The following MICAL3 variants were observed in gnomAD, a reference collection of about 807,000 sequenced individuals.
The protein encoded by MICAL3 is microtubule associated monooxygenase, calponin and LIM domain containing 3, also known as [F-actin]-monooxygenase MICAL3.
MICAL3 carries 62 observed loss-of-function variants against 207.4 expected under a neutral mutation model. That is an observed-to-expected ratio of 0.30 (90% CI 0.24 to 0.37). The LOEUF (loss-of-function observed/expected upper bound fraction) is 0.37, where lower values mean the gene tolerates loss of function less well. Among genes scored for constraint, MICAL3 ranks in the 10% least tolerant of loss-of-function variants. The pLI, the probability that MICAL3 is intolerant of heterozygous loss-of-function variation, is 1.00. For missense variants in MICAL3, 2,368 were observed against 2,635.6 expected (o/e 0.90, Z 2.22); for synonymous variants, 1,077 against 1,069.3 (o/e 1.01, Z -0.14).
In MICAL3 at chr22:17,904,737, G is replaced by T; in HGVS notation, c.367C>A (p.Arg123Ser). The T allele has an allele frequency of 6.2e-7, 1 of 1,613,710 alleles. No individual in the cohort carries two copies. Among genetic ancestry groups the T allele is most frequent in the Non-Finnish European group, 8.5e-7 (1 of 1,179,626 alleles). Residue 123 changes from arginine (R) to serine (S), a missense_variant, in exon 3 of 32, where the codon CGC becomes AGC. Physicochemically the swap from Arg to Ser is moderately radical, Grantham distance 110 (BLOSUM62 -1). Around this residue, in one of 4 missense-constraint regions of MICAL3, gnomAD observed 400 missense variants for 547.0 expected, o/e 0.73. Transcript: ENST00000441493. ...GGCCAGAGATGCAAGACGTTGTTGC[G>T]GGAGAAGGCATCTCGTTTCTCAATA... is the stretch of plus-strand genomic sequence containing the variant. ...VVIEKRDAFS[R>S]NNVLHLWPFT...
intron 13 of MICAL3, 82 bp downstream of exon 13, chr22:17,888,952 C>T (rs575890515): frequency 2.9e-5 from 28 of 950,244 alleles, no homozygotes; most frequent in South Asian, 2.6e-4. Flanking sequence ...GGCACTGCTG[C>T]GGGACAGTCG....
intron 29 of MICAL3, among the ~76,000 whole-genome samples, chr22:17,794,175 C>A (rs1169761584): frequency 2.0e-5 from 3 of 152,238 alleles, no homozygotes; most frequent in African/African-American, 7.2e-5. Context: ...CAGGGCCCTC[C>A]TGCCTCTACT....
intron 1 of MICAL3, among the ~76,000 whole-genome samples, chr22:18,000,320 A>G (rs1297904975): frequency 6.6e-6 from 1 of 152,198 alleles, no homozygotes; most frequent in Non-Finnish European, 1.5e-5. Flanking sequence ...TTTCACATAA[A>G]TCACAATTAA....
In MICAL3 at chr22:17,842,007, C is replaced by T; in HGVS notation, c.2616G>A (p.Val872=). The T allele has an allele frequency of 6.2e-7, 1 of 1,601,698 alleles. No individual in the cohort carries two copies. Among genetic ancestry groups the T allele is most frequent in the South Asian group, 1.1e-5 (1 of 90,828 alleles). Residue 872 remains valine (V), a synonymous_variant, in exon 20 of 32, where the codon GTG becomes GTA. Coordinates refer to ENST00000441493, the MANE Select transcript of MICAL3 (RefSeq NM_015241.3). Reference sequence around the variant, plus strand: ...CGATGCTGGGCTCCTCCAGGCCGTTCACGCCTGAACCTGCGGGACAAGCAC... The same window carrying T: ...CGATGCTGGGCTCCTCCAGGCCGTTTACGCCTGAACCTGCGGGACAAGCAC... ...SSTERTPGSG[V]NGLEEPSIAK...
chr22:17,810,669 G>A (rs1479815699), intron 28 of MICAL3, 34 bp downstream of exon 28: 2 of 1,531,222 alleles, frequency 1.3e-6, no homozygotes, highest in Non-Finnish European at 9.0e-7. Flanking sequence ...ACCCTCCCAT[G>A]CATGTGCCCT....
At chr22:17,862,450 C>T (rs1171607112) in intron 19 of MICAL3, 8 of 498,930 alleles carry the variant, frequency 1.6e-5, no homozygotes, top group Admixed American at 1.3e-4. Context: ...TTAGTAGAGA[C>T]GGGGTTTCAC....
At chr22:17,808,973 C>T (rs2084326132) in intron 28 of MICAL3, 36 bp from the exon 29 acceptor site, 1 of 1,517,566 alleles carries the variant, frequency 6.6e-7, no homozygotes. Flanking sequence ...ACCCGGCTCT[C>T]CAGCCCTGCT....
chr22:17,867,092 TTCCCTG>T (rs1317777433), intron 17 of MICAL3, among the ~76,000 whole-genome samples: 2 of 152,242 alleles, frequency 1.3e-5, no homozygotes, highest in Non-Finnish European at 2.9e-5. Flanking sequence ...CCCTTTCCCT[TTCCCTG>T]ATGATCTGAT....
intron 1 of MICAL3, among the ~76,000 whole-genome samples, chr22:17,951,493 T>C (rs1485214293): frequency 1.3e-5 from 2 of 151,552 alleles, no homozygotes; most frequent in East Asian, 3.9e-4. Context: ...GGATCTAGTA[T>C]TCATTATCCC....
chr22:17,849,882 C>CG (rs1168820637), intron 19 of MICAL3, among the ~76,000 whole-genome samples: 1 of 148,876 alleles, frequency 6.7e-6, no homozygotes. Flanking sequence ...TTAGTACAGA[C>CG]GGGTTTCACT....
intron 1 of MICAL3, among the ~76,000 whole-genome samples, chr22:17,966,430 C>T (rs1231548238): frequency 6.6e-6 from 1 of 152,196 alleles, no homozygotes; most frequent in East Asian, 1.9e-4. Flanking sequence ...CCTCCACCTC[C>T]TCACTCCTCT....
intron 1 of MICAL3, among the ~76,000 whole-genome samples, chr22:17,951,907 GGCTGGTCTCGAACT>G: frequency 6.6e-6 from 1 of 152,086 alleles, no homozygotes; most frequent in Non-Finnish European, 1.5e-5. Context: ...ATGTTGGCCA[GGCTGGTCTCGAACT>G]CCTGGCCTCA....
chr22:17,915,816 G>A (rs533349212), intron 1 of MICAL3, among the ~76,000 whole-genome samples: 50 of 152,070 alleles, frequency 3.3e-4, no homozygotes, highest in African/African-American at 1.1e-3. Flanking sequence ...AATAGGCTGG[G>A]TGTGGCGACT....
rs543280184 is a variant in MICAL3 at position 17,826,281 on chromosome 22, G to A, written c.3193+1363C>T. On this transcript the variant is annotated intron_variant, in intron 22 of 31. Coordinates refer to ENST00000441493, the MANE Select transcript of MICAL3 (RefSeq NM_015241.3). Reference sequence around the variant, plus strand: ...GAGCTGCCCTGAAGGGGGGGTGTGCGTCTGATCCATGCAAGGGCGGGCTGT... The same window carrying A: ...GAGCTGCCCTGAAGGGGGGGTGTGCATCTGATCCATGCAAGGGCGGGCTGT... Among the ~76,000 whole-genome samples the A allele has an allele frequency of 2.0e-4, 30 of 152,174 alleles. 1 individual carries two copies. The South Asian group carries it at 5.4e-3, about 27-fold the overall frequency.
chr22:17,841,036 C>T lies in MICAL3; in HGVS notation c.2801+786G>A, dbSNP rs1319874874. The T allele has an allele frequency of 2.0e-5, 3 of 152,296 alleles. No homozygotes were observed. The highest frequency in any genetic ancestry group is 4.8e-5 in the African/African-American group (2 of 41,456). 9.4% of individuals were successfully genotyped at this position (152,296 alleles called of 1,614,324 possible). On this transcript the variant is annotated intron_variant, in intron 20 of 31. Coordinates refer to ENST00000441493, the MANE Select transcript of MICAL3 (RefSeq NM_015241.3). The surrounding 1 kb of genome is among the most constrained non-coding windows in gnomAD (Gnocchi z 4.2). ...AACTGCTCTGCTCTCCTTATCCCCACATGTTCCCTTCATCATGGCTAAATC... is the reference window on the plus strand; with the variant it reads ...AACTGCTCTGCTCTCCTTATCCCCATATGTTCCCTTCATCATGGCTAAATC...
intron 1 of MICAL3, among the ~76,000 whole-genome samples, chr22:17,948,102 T>G (rs1934160326): frequency 6.6e-6 from 1 of 152,304 alleles, no homozygotes; most frequent in South Asian, 2.1e-4. Context: ...ATCTACCAGA[T>G]GCCTGTGTCA....
intron 18 of MICAL3, among the ~76,000 whole-genome samples, 151 bp from the exon 19 acceptor site, chr22:17,865,137 G>A (rs1926949754): frequency 7.0e-6 from 1 of 142,532 alleles, no homozygotes; most frequent in African/African-American, 2.7e-5. Flanking sequence ...TTAAGAGACA[G>A]GGCCTTGCTG....
chr22:17,832,250 C>A, intron 20 of MICAL3, 143 bp from the exon 21 acceptor site: 1 of 1,124,060 alleles, frequency 8.9e-7, no homozygotes, highest in Non-Finnish European at 1.3e-6. Context: ...GAGGAGAGAG[C>A]GGCATCAGCA....
Position 17,949,182 on chromosome 22 carries a change from C to T in MICAL3, c.-74-42296G>A, listed in dbSNP as rs181406508. The stretch of plus-strand genomic sequence containing the variant: ...CCAAGATCGTGCCACTGCACTCAAG[C>T]CTGGGTGACAGAGTGAGAAATTATC... On this transcript the variant is annotated intron_variant, in intron 1 of 31. Coordinates refer to ENST00000441493, the MANE Select transcript of MICAL3 (RefSeq NM_015241.3). 6.6e-5 allele frequency among the ~76,000 whole-genome samples: 10 copies of T among 152,304 alleles called. No individual in the cohort carries two copies. The East Asian group carries it at 1.9e-3, about 29-fold the overall frequency.
Sources: allele counts gnomAD v4.1 joint callset (sites outside exome capture counted in the v4.1 genomes callset), GRCh38; gene constraint gnomAD v4.1.1; regional missense constraint gnomAD v4.1.1; non-coding constraint Gnocchi (gnomAD v3.1); transcripts MANE v1.5; gene names NCBI Gene and HGNC (gene_info 2026-07-23, HGNC 2026-07-21).